PGBD5: variants seen among roughly 807,000 people sequenced by gnomAD.
PGBD5 encodes piggyBac transposable element derived 5, also known as piggyBac transposable element-derived protein 5.
A neutral mutation model predicts 47.9 loss-of-function variants in PGBD5; 14 were observed. The observed-to-expected ratio is 0.29, with a 90% CI of 0.19 to 0.46. The LOEUF (loss-of-function observed/expected upper bound fraction) is 0.46, where lower values mean the gene tolerates loss of function less well. Among genes scored for constraint, PGBD5 ranks in the 20% least tolerant of loss-of-function variants. The pLI is 1.00. For missense variants in PGBD5, 635 were observed against 716.0 expected (o/e 0.89, Z 1.29); for synonymous variants, 316 against 306.3 (o/e 1.03, Z -0.33).
Position 230,351,103 on chromosome 1 carries a change from G to A in PGBD5, c.760-11C>T, listed in dbSNP as rs1667554814. The A allele has an allele frequency of 6.2e-7, 1 of 1,606,250 alleles. No individual in the cohort carries two copies. Among genetic ancestry groups the A allele is most frequent in the Non-Finnish European group, 8.5e-7 (1 of 1,176,926 alleles). On this transcript the variant is annotated splice_polypyrimidine_tract_variant and intron_variant, in intron 2 of 6. Transcript: ENST00000391860. Reference sequence around the variant, plus strand: ...GGGTTCATGTAGCACCTGCCAGGAGGGAAAAAGCAGAGGCTCTCACGGAAG... The same window carrying A: ...GGGTTCATGTAGCACCTGCCAGGAGAGAAAAAGCAGAGGCTCTCACGGAAG...
intron 3 of PGBD5, among the ~76,000 whole-genome samples, chr1:230,347,452 C>T (rs543906908): frequency 6.0e-4 from 90 of 150,308 alleles, no homozygotes; most frequent in African/African-American, 2.0e-3. Flanking sequence ...TCTCGGGGCA[C>T]AGCAATCATT....
At chr1:230,333,437 C>T (rs1667254843) in intron 4 of PGBD5, among the ~76,000 whole-genome samples, 1 of 152,178 alleles carries the variant, frequency 6.6e-6, no homozygotes, top group African/African-American at 2.4e-5. Flanking sequence ...TAGGTTATGG[C>T]ATGCACATTA....
At chr1:230,386,938 G>T (rs1424822027) in intron 1 of PGBD5, among the ~76,000 whole-genome samples, 1 of 152,122 alleles carries the variant, frequency 6.6e-6, no homozygotes, top group African/African-American at 2.4e-5. Context: ...CACATAAATA[G>T]CATCGCTTGT....
At chr1:230,419,637 C>G (rs541291261) in intron 1 of PGBD5, among the ~76,000 whole-genome samples, 1 of 152,180 alleles carries the variant, frequency 6.6e-6, no homozygotes, top group Non-Finnish European at 1.5e-5. Context: ...GTGGGCATCG[C>G]ATACCGGTTT....
intron 1 of PGBD5, chr1:230,362,218 C>G: frequency 1.5e-6 from 2 of 1,338,660 alleles, no homozygotes; most frequent in Non-Finnish European, 2.0e-6. Context: ...GATGGCTGTT[C>G]CCCAAATCAG....
chr1:230,360,387 A>T (rs759235898), intron 1 of PGBD5, among the ~76,000 whole-genome samples: 1 of 151,998 alleles, frequency 6.6e-6, no homozygotes, highest in Non-Finnish European at 1.5e-5. Flanking sequence ...GGAGGGAGGG[A>T]AGGAAGGAAA....
intron 1 of PGBD5, among the ~76,000 whole-genome samples, chr1:230,417,747 GCATT>G (rs958089235): frequency 1.3e-5 from 2 of 152,184 alleles, no homozygotes; most frequent in Admixed American, 1.3e-4. Context: ...CCTGATCACA[GCATT>G]CACCAGAGAC....
intron 1 of PGBD5, among the ~76,000 whole-genome samples, chr1:230,382,932 T>C (rs1035112101): frequency 3.3e-5 from 5 of 152,092 alleles, no homozygotes; most frequent in Admixed American, 2.0e-4. Context: ...ATTGTAAGGA[T>C]GCAGGCTCTC....
intron 1 of PGBD5, among the ~76,000 whole-genome samples, chr1:230,401,433 A>C (rs955197871): frequency 6.6e-6 from 1 of 152,212 alleles, no homozygotes; most frequent in African/African-American, 2.4e-5. Flanking sequence ...TGAGGGCCTG[A>C]TCTGGCCTGT....
intron 1 of PGBD5, among the ~76,000 whole-genome samples, chr1:230,421,489 T>C (rs1657646905): frequency 6.6e-6 from 1 of 152,178 alleles, no homozygotes; most frequent in Non-Finnish European, 1.5e-5. Flanking sequence ...AGGCAGCAAC[T>C]TCCTTCCCCA....
intron 1 of PGBD5, among the ~76,000 whole-genome samples, chr1:230,390,562 T>C (rs974815417): frequency 5.9e-5 from 9 of 151,878 alleles, no homozygotes; most frequent in Non-Finnish European, 1.2e-4. Context: ...ACCCAGAGGG[T>C]GGAGGTGGTA....
intron 3 of PGBD5, among the ~76,000 whole-genome samples, chr1:230,350,583 A>G (rs1182724013): frequency 1.3e-5 from 2 of 152,244 alleles, no homozygotes; most frequent in Non-Finnish European, 2.9e-5. Flanking sequence ...CCACAAGTCC[A>G]AAAGTCTTGA....
intron 1 of PGBD5, among the ~76,000 whole-genome samples, chr1:230,409,007 T>G (rs1399390294): frequency 6.6e-6 from 1 of 152,130 alleles, no homozygotes; most frequent in Non-Finnish European, 1.5e-5. Context: ...CTCTTACAAC[T>G]CAATAAAAAG....
At chr1:230,412,193 A>G (rs576262927) in intron 1 of PGBD5, among the ~76,000 whole-genome samples, 48 of 152,340 alleles carry the variant, frequency 3.2e-4, no homozygotes, top group Non-Finnish European at 5.1e-4. Flanking sequence ...ATGCTTATCA[A>G]CGAAATTACA....
rs114690849 is a variant in PGBD5, at chr1:230,380,148, G to C, written c.332-22827C>G. 5.1e-3 allele frequency among the ~76,000 whole-genome samples: 770 copies of C among 152,348 alleles called. 6 individuals are homozygous for C. The highest frequency in any genetic ancestry group is 0.018 in the African/African-American group (745 of 41,578). On this transcript the variant is annotated intron_variant, in intron 1 of 6. Transcript: ENST00000391860. Reference sequence around the variant, plus strand: ...TTTGTGATGCATCTGTCCAAAGGCAGATAGGAGGCCAGCTCCAGATGAATG... The same window carrying C: ...TTTGTGATGCATCTGTCCAAAGGCACATAGGAGGCCAGCTCCAGATGAATG...
rs77417958 is a variant in PGBD5, at chr1:230,357,439, G to A, written c.332-118C>T. The A allele has an allele frequency of 0.013, 14,466 of 1,098,368 alleles. 494 individuals carry two copies. The highest frequency in any genetic ancestry group is 0.12 in the African/African-American group (7,684 of 63,410). 68.0% of individuals were successfully genotyped at this position (1,098,368 alleles called of 1,614,324 possible). A position where few individuals can be genotyped will look rare whatever the true frequency, so the allele number is the denominator to read the frequency against. Reference sequence around the variant, plus strand: ...TGGCCGAGTGCCCCCGCTGCCTCCAGTGCTACCGCCTTCCCCTCCAACCTT... The same window carrying A: ...TGGCCGAGTGCCCCCGCTGCCTCCAATGCTACCGCCTTCCCCTCCAACCTT... On this transcript the variant is annotated intron_variant, in intron 1 of 6. Transcript: ENST00000391860. This position sits in a 1 kb window ranked among gnomAD's most constrained non-coding sequence, Gnocchi z 5.7.
intron 1 of PGBD5, among the ~76,000 whole-genome samples, chr1:230,392,984 A>T (rs1656826947): frequency 6.9e-6 from 1 of 145,330 alleles, no homozygotes; most frequent in Non-Finnish European, 1.5e-5. Context: ...GAAAAGGGAG[A>T]GCAGTGGTGG....
intron 1 of PGBD5, among the ~76,000 whole-genome samples, chr1:230,401,503 G>C (rs543708581): frequency 6.6e-6 from 1 of 152,140 alleles, no homozygotes; most frequent in South Asian, 2.1e-4. Context: ...TCCGAGAAAC[G>C]ACCCTTGAGC....
intron 1 of PGBD5, chr1:230,368,238 T>G: frequency 8.0e-7 from 1 of 1,254,950 alleles, no homozygotes; most frequent in Non-Finnish European, 1.0e-6. Flanking sequence ...GACTTGGGAT[T>G]TTTTCCATGC....
Sources: allele counts gnomAD v4.1 joint callset (sites outside exome capture counted in the v4.1 genomes callset), GRCh38; gene constraint gnomAD v4.1.1; non-coding constraint Gnocchi (gnomAD v3.1); transcripts MANE v1.5; gene names NCBI Gene and HGNC (gene_info 2026-07-23, HGNC 2026-07-21).